NCKAP5: variants seen among roughly 807,000 people sequenced by gnomAD.
The protein encoded by NCKAP5 is NCK associated protein 5.
In NCKAP5, 92 loss-of-function variants were observed where a neutral mutation model predicts 167.0. The ratio of observed to expected loss-of-function variants is 0.55; its 90% CI spans 0.47 to 0.66. The LOEUF is 0.66. Ranked by LOEUF, NCKAP5 falls within the 30% of genes least tolerant of loss-of-function variation. NCKAP5 has a pLI of 0.00. For missense variants in NCKAP5, 2,378 were observed against 2,315.0 expected, an observed-to-expected ratio of 1.03 and a Z score of -0.56; for synonymous variants, 891 against 877.4, an observed-to-expected ratio of 1.02 and a Z score of -0.27.
intron 6 of NCKAP5, among the ~76,000 whole-genome samples, chr2:133,089,754 C>T (rs945680233): frequency 6.6e-6 from 1 of 152,138 alleles, no homozygotes; most frequent in Admixed American, 6.5e-5. Context: ...ATCTTTATTG[C>T]ATGCTAAAAT....
chr2:133,349,832 C>G (rs1252131952), intron 3 of NCKAP5, among the ~76,000 whole-genome samples: 1 of 152,170 alleles, frequency 6.6e-6, no homozygotes, highest in Non-Finnish European at 1.5e-5. Flanking sequence ...GTCTATAGAA[C>G]TATCCTCTTC....
At chr2:133,433,496 A>C (rs906759394) in intron 3 of NCKAP5, 2 of 152,180 alleles carry the variant, frequency 1.3e-5, no homozygotes, top group Non-Finnish European at 2.9e-5. Context: ...GATTACTTAC[A>C]TGTGTGTTGA....
rs533670879 is a variant in NCKAP5 at position 133,152,817 on chromosome 2, G to GT, written c.208-22707dup. Among the ~76,000 whole-genome samples the GT allele has an allele frequency of 2.3e-3, 349 of 152,206 alleles. 5 individuals are homozygous for GT. In the Middle Eastern group the frequency reaches 0.031, roughly 13 times the overall value. On this transcript the variant is annotated intron_variant, in intron 5 of 19. Coordinates refer to ENST00000409261, the MANE Select transcript of NCKAP5 (RefSeq NM_207363.3). ...TGTAATTTTTACTGTACCTTTTTGT[G>GT]TTTAGATATCAAATACTTACCACTG...
At chr2:133,598,560 C>A in the NCKAP5 span, among the ~76,000 whole-genome samples, 1 of 152,116 alleles carries the variant, frequency 6.6e-6, no homozygotes, top group Non-Finnish European at 1.5e-5. Flanking sequence ...AAATGGAGCC[C>A]AATGAAAGAG....
At chr2:133,055,070 G>C (rs1018873699) in intron 6 of NCKAP5, among the ~76,000 whole-genome samples, 1 of 152,116 alleles carries the variant, frequency 6.6e-6, no homozygotes, top group African/African-American at 2.4e-5. Context: ...AAAATTAAAT[G>C]GGGAGAAAGG....
chr2:133,299,883 T>G (rs1458095063), intron 4 of NCKAP5, among the ~76,000 whole-genome samples: 1 of 148,302 alleles, frequency 6.7e-6, no homozygotes, highest in Non-Finnish European at 1.5e-5. Context: ...CATAGACCGC[T>G]AGCAAGACTA....
intron 4 of NCKAP5, among the ~76,000 whole-genome samples, chr2:133,286,609 T>C (rs1235368537): frequency 1.3e-5 from 2 of 152,160 alleles, no homozygotes; most frequent in African/African-American, 4.8e-5. Context: ...CAACCCTCTC[T>C]CAAAGGATAA....
chr2:133,583,749 A>G, the NCKAP5 span, among the ~76,000 whole-genome samples: 1 of 151,922 alleles, frequency 6.6e-6, no homozygotes, highest in African/African-American at 2.4e-5. Context: ...GGCATGATAT[A>G]AACCTTTTTT....
intron 3 of NCKAP5, among the ~76,000 whole-genome samples, chr2:133,413,129 G>A (rs897822346): frequency 6.6e-6 from 1 of 152,232 alleles, no homozygotes; most frequent in African/African-American, 2.4e-5. Flanking sequence ...GGGAGGCACA[G>A]TGGGAAGAGA....
Position 133,529,155 on chromosome 2 carries a change from A to C in NCKAP5, c.-61-11568T>G, listed in dbSNP as rs1685156237. ...GATAATTTTTTTTTATTTTGTAAAA[A>C]ACATACCATATTAAATGCATTTATT... On this transcript the variant is annotated intron_variant, in intron 2 of 19. Coordinates refer to ENST00000409261, the MANE Select transcript of NCKAP5 (RefSeq NM_207363.3). 5.9e-5 allele frequency among the ~76,000 whole-genome samples: 9 copies of C among 152,274 alleles called. No individual in the cohort carries two copies. In the South Asian group the frequency reaches 1.9e-3, roughly 32 times the overall value.
chr2:133,323,447 G>T (rs1396743631), intron 3 of NCKAP5, among the ~76,000 whole-genome samples: 2 of 152,196 alleles, frequency 1.3e-5, no homozygotes, highest in African/African-American at 4.8e-5. Context: ...TGTTGGAGAA[G>T]CTGATGAAGT....
chr2:133,362,793 G>T (rs1049926507), intron 3 of NCKAP5, among the ~76,000 whole-genome samples: 1 of 151,984 alleles, frequency 6.6e-6, no homozygotes, highest in Non-Finnish European at 1.5e-5. Flanking sequence ...TTGCTCTGTC[G>T]CCCAGGCTGG....
intron 19 of NCKAP5, among the ~76,000 whole-genome samples, chr2:132,716,007 C>T (rs1001475236): frequency 1.3e-5 from 2 of 152,176 alleles, no homozygotes; most frequent in Non-Finnish European, 2.9e-5. Context: ...GGGGGCTGTC[C>T]TGTGCATTGT....
intron 8 of NCKAP5, among the ~76,000 whole-genome samples, chr2:132,927,919 C>T (rs1338064797): frequency 6.6e-6 from 1 of 152,122 alleles, no homozygotes; most frequent in Non-Finnish European, 1.5e-5. Flanking sequence ...GAGACAGAGC[C>T]ATATTTTCAT....
chr2:132,948,512 A>C (rs568107084), intron 8 of NCKAP5, among the ~76,000 whole-genome samples: 2 of 152,336 alleles, frequency 1.3e-5, no homozygotes, highest in Admixed American at 1.3e-4. Flanking sequence ...ACAGGCAGTT[A>C]GAGAAAACAG....
intron 3 of NCKAP5, among the ~76,000 whole-genome samples, chr2:133,411,488 C>A (rs143995963): frequency 6.6e-6 from 1 of 152,106 alleles, no homozygotes; most frequent in African/African-American, 2.4e-5. Flanking sequence ...CACCGATGAG[C>A]GTACACAAGG....
chr2:133,614,419 T>C, the NCKAP5 span, among the ~76,000 whole-genome samples: 2 of 151,866 alleles, frequency 1.3e-5, no homozygotes, highest in Non-Finnish European at 2.9e-5. Context: ...TAGAAGAATG[T>C]ATAACTAGAA....
intron 19 of NCKAP5, among the ~76,000 whole-genome samples, chr2:132,683,199 A>T (rs1410541647): frequency 3.3e-5 from 5 of 152,022 alleles, no homozygotes; most frequent in African/African-American, 7.2e-5. Flanking sequence ...CTATAGATGG[A>T]CGAATATGCT....
chr2:132,839,681 C>T (rs754941852), intron 11 of NCKAP5, among the ~76,000 whole-genome samples: 3 of 149,230 alleles, frequency 2.0e-5, no homozygotes, highest in Non-Finnish European at 3.0e-5. Flanking sequence ...TTGCTTGGGC[C>T]CAAGAGGTTG....
Sources: allele counts gnomAD v4.1 joint callset (sites outside exome capture counted in the v4.1 genomes callset), GRCh38; gene constraint gnomAD v4.1.1; transcripts MANE v1.5; gene names NCBI Gene and HGNC (gene_info 2026-07-23, HGNC 2026-07-21).